Variants in HOMER1 observed in about 807,000 individuals in gnomAD.
The protein encoded by HOMER1 is homer scaffold protein 1.
A neutral mutation model predicts 48.9 loss-of-function variants in HOMER1; 3 were observed. The ratio of observed to expected loss-of-function variants is 0.06; its 90% CI spans 0.03 to 0.16. The LOEUF (loss-of-function observed/expected upper bound fraction) is 0.16. Among genes scored for constraint, HOMER1 ranks in the 10% least tolerant of loss-of-function variants. The probability of loss-of-function intolerance (pLI) is 1.00; values close to 1 mark genes in which losing one functional copy is unlikely to be tolerated. For synonymous variants in HOMER1, 134 were observed against 146.4 expected, an observed-to-expected ratio of 0.92 and a Z score of 0.61; for missense variants, 247 against 411.4, an observed-to-expected ratio of 0.60 and a Z score of 3.46.
At chr5:79,494,761 C>T (rs987137047) in intron 1 of HOMER1, among the ~76,000 whole-genome samples, 3 of 152,110 alleles carry the variant, frequency 2.0e-5, no homozygotes, top group South Asian at 2.1e-4. Flanking sequence ...CCCAGCTACT[C>T]GGGAGGCTGA....
intron 5 of HOMER1, among the ~76,000 whole-genome samples, chr5:79,426,537 A>C: frequency 6.6e-6 from 1 of 152,106 alleles, no homozygotes; most frequent in Non-Finnish European, 1.5e-5. Context: ...AAATAAAATA[A>C]GCCATGCGCA....
intron 5 of HOMER1, among the ~76,000 whole-genome samples, chr5:79,435,820 G>A (rs1422908542): frequency 2.7e-5 from 4 of 148,274 alleles, no homozygotes; most frequent in African/African-American, 1.0e-4. Context: ...AACAGAGTGA[G>A]ACTCTGTCTC....
intron 1 of HOMER1, among the ~76,000 whole-genome samples, chr5:79,465,519 G>A (rs1751433271): frequency 6.7e-6 from 1 of 148,588 alleles, no homozygotes; most frequent in Non-Finnish European, 1.5e-5. Context: ...TTTCCATTTG[G>A]AAATTAAGAT....
At chr5:79,447,181 A>G in intron 3 of HOMER1, 36 bp from the exon 4 acceptor site, 7 of 1,330,530 alleles carry the variant, frequency 5.3e-6, no homozygotes, top group Non-Finnish European at 7.6e-6. Context: ...TAACCAAATA[A>G]AAATAGGTCA....
In HOMER1 at chr5:79,447,098, CT is replaced by C; in HGVS notation, c.341del (p.Lys114ArgfsTer27). 6.2e-7 allele frequency: 1 copy of C among 1,613,254 alleles called. No individual in the cohort carries two copies. ...QEFKEAARLA[K>X]EKSQEKMELT... The stretch of plus-strand genomic sequence containing the variant: ...GTTCCATCTTCTCTTGTGATTTTTC[CT>C]TTGCTAGTCGAGCAGCTTCTTTAAA... On this transcript the variant is annotated frameshift_variant, in exon 4 of 9. Coordinates refer to ENST00000334082, the MANE Select transcript of HOMER1 (RefSeq NM_004272.5). LOFTEE classifies it high-confidence loss of function.
intron 8 of HOMER1, among the ~76,000 whole-genome samples, chr5:79,384,623 G>A (rs1006918071): frequency 1.3e-5 from 2 of 152,038 alleles, no homozygotes; most frequent in South Asian, 2.1e-4. Flanking sequence ...TGAAGAGGAG[G>A]GAACTTTTCC....
At chr5:79,397,148 A>C (rs1561347667) in intron 7 of HOMER1, among the ~76,000 whole-genome samples, 1 of 152,192 alleles carries the variant, frequency 6.6e-6, no homozygotes, top group African/African-American at 2.4e-5. Context: ...TAACAACCTG[A>C]ACATTTTAAT....
intron 4 of HOMER1, 83 bp downstream of exon 4, chr5:79,446,970 A>C (rs1750903560): frequency 1.1e-6 from 1 of 875,832 alleles, no homozygotes; most frequent in Non-Finnish European, 1.9e-6. Context: ...TTCTGTGTGT[A>C]CTTTGGAGAT....
chr5:79,439,038 T>C lies in HOMER1; in HGVS notation c.499A>G (p.Thr167Ala). Residue 167 changes from threonine to alanine, a missense_variant, in exon 5 of 9, where the codon ACT (threonine) becomes GCT (alanine). Coordinates refer to ENST00000334082, the MANE Select transcript of HOMER1 (RefSeq NM_004272.5). ...TGTGAAAATGGCAATGCATTCTGAG[T>C]TGGTTCAGCCCTTGGCTCTGAGTTC... ...TQNSEPRAEPTQNALPFSHSS... is the reference protein window; with the variant it reads ...TQNSEPRAEPAQNALPFSHSS... 4 of 1,613,926 alleles carry C rather than the reference T, an allele frequency of 2.5e-6. No individual in the cohort carries two copies. Among genetic ancestry groups the C allele is most frequent in the Middle Eastern group, 1.6e-4 (1 of 6,062 alleles).
intron 6 of HOMER1, among the ~76,000 whole-genome samples, chr5:79,400,737 T>A (rs200890021): frequency 5.2e-5 from 5 of 96,494 alleles, no homozygotes; most frequent in Admixed American, 3.7e-4. Flanking sequence ...AAAAAAAAAC[T>A]TCTTCTTTTT....
intron 5 of HOMER1, among the ~76,000 whole-genome samples, chr5:79,425,776 A>G (rs1750231828): frequency 1.3e-5 from 2 of 150,308 alleles, no homozygotes; most frequent in Admixed American, 1.3e-4. Flanking sequence ...AACTCTAGAG[A>G]AAAAAAAAAT....
At position 79,503,271 on chromosome 5, in the gene HOMER1, G is replaced by A. The variant is rs930053723; in HGVS notation, c.5+9499C>T. Among the ~76,000 whole-genome samples, 8 of 152,130 alleles carry A rather than the reference G, an allele frequency of 5.3e-5. 1 individual carries two copies. The Middle Eastern group carries it at 0.014, about 259-fold the overall frequency. ...AAGCAGGCCAGGCATGGCGGCTCAC[G>A]CCTGTAATCCCTACACTTTGGGAGG... On this transcript the variant is annotated intron_variant, in intron 1 of 8. Coordinates refer to ENST00000334082, the MANE Select transcript of HOMER1 (RefSeq NM_004272.5).
intron 1 of HOMER1, among the ~76,000 whole-genome samples, chr5:79,468,950 C>T (rs1450578569): frequency 6.6e-6 from 1 of 152,092 alleles, no homozygotes; most frequent in Non-Finnish European, 1.5e-5. Flanking sequence ...GCCATCTGAG[C>T]GCAACAAATT....
At chr5:79,462,500 C>T (rs6889223) in intron 1 of HOMER1, among the ~76,000 whole-genome samples, 40,385 of 151,960 alleles carry the variant, frequency 0.27, 5,488 homozygotes, top group South Asian at 0.39. Context: ...GTTAAGATAA[C>T]CCTGAGAAAA....
chr5:79,513,811 C>A lies in HOMER1; in HGVS notation c.-1037G>T, dbSNP rs1426255521. On this transcript the variant is annotated 5_prime_UTR_variant, in exon 1 of 9. Transcript: ENST00000334082. The stretch of plus-strand genomic sequence containing the variant: ...CGACGGGCGCCTGCCCGAGCCAAGG[C>A]GGGAGGCTAAGCCCGCGTTGGGGCC... 6.6e-6 allele frequency: 1 copy of A among 152,610 alleles called. No individual in the cohort carries two copies. The highest frequency in any genetic ancestry group is 1.5e-5 in the Non-Finnish European group (1 of 68,270). 9.5% of individuals were successfully genotyped at this position (152,610 alleles called of 1,614,324 possible).
At chr5:79,492,880 G>A (rs1752321064) in intron 1 of HOMER1, among the ~76,000 whole-genome samples, 1 of 142,094 alleles carries the variant, frequency 7.0e-6, no homozygotes, top group Non-Finnish European at 1.5e-5. Context: ...TTCATTTTCA[G>A]CAGAATGAAG....
At chr5:79,490,792 A>AAAAAAAAAAC (rs148573552) in intron 1 of HOMER1, among the ~76,000 whole-genome samples, 1 of 145,906 alleles carries the variant, frequency 6.9e-6, no homozygotes, top group African/African-American at 2.6e-5. Context: ...AAAAAAAAAA[A>AAAAAAAAAAC]CCATAAAAAA....
intron 1 of HOMER1, among the ~76,000 whole-genome samples, chr5:79,501,900 C>T (rs973670127): frequency 6.6e-6 from 1 of 152,040 alleles, no homozygotes; most frequent in Non-Finnish European, 1.5e-5. Flanking sequence ...GTTTTGCTAG[C>T]ACTAGAGTAA....
chr5:79,396,635 T>G (rs962911655), intron 8 of HOMER1, among the ~76,000 whole-genome samples, 188 bp downstream of exon 8: 4 of 152,222 alleles, frequency 2.6e-5, no homozygotes, highest in South Asian at 2.1e-4. Flanking sequence ...CTATGATAAT[T>G]ATAAGCTACA....
Sources: allele counts gnomAD v4.1 joint callset (sites outside exome capture counted in the v4.1 genomes callset), GRCh38; gene constraint gnomAD v4.1.1; transcripts MANE v1.5; gene names NCBI Gene and HGNC (gene_info 2026-07-23, HGNC 2026-07-21).